KCNIP4: variants seen among roughly 807,000 people sequenced by gnomAD.
The protein encoded by KCNIP4 is potassium voltage-gated channel interacting protein 4.
Under a neutral mutation model 34.0 loss-of-function variants are expected in KCNIP4, and 12 were observed. That is an observed-to-expected ratio of 0.35 (90% CI 0.23 to 0.57). KCNIP4 has a LOEUF of 0.57. KCNIP4 is among the 20% of genes least tolerant of loss of function. The probability of loss-of-function intolerance (pLI) is 0.83; values close to 1 mark genes in which losing one functional copy is unlikely to be tolerated. For synonymous variants in KCNIP4, 124 were observed against 102.2 expected (o/e 1.21, Z -1.29); for missense variants, 238 against 311.7 (o/e 0.76, Z 1.78).
At chr4:21,396,671 G>T (rs188652148) in intron 1 of KCNIP4, among the ~76,000 whole-genome samples, 1 of 151,832 alleles carries the variant, frequency 6.6e-6, no homozygotes, top group Non-Finnish European at 1.5e-5. Flanking sequence ...CCTCTGGGTG[G>T]GCTCAAAGTT....
At chr4:21,697,277 T>C (rs1712421660) in intron 1 of KCNIP4, 18 of 1,369,932 alleles carry the variant, frequency 1.3e-5, no homozygotes, top group Non-Finnish European at 1.7e-5. Context: ...CCTTTCCTAT[T>C]CCATTTCAAC....
At chr4:21,673,241 C>G (rs188870410) in intron 1 of KCNIP4, among the ~76,000 whole-genome samples, 2 of 152,182 alleles carry the variant, frequency 1.3e-5, no homozygotes, top group Admixed American at 1.3e-4. Context: ...AGAAACCAGA[C>G]AGTCGAAATT....
intron 3 of KCNIP4, among the ~76,000 whole-genome samples, chr4:20,841,820 T>TAA (rs1029991138): frequency 8.6e-5 from 13 of 150,944 alleles, no homozygotes; most frequent in African/African-American, 3.1e-4. Flanking sequence ...ATCCTTAGAA[T>TAA]AAAATACAAA....
chr4:21,172,161 G>T (rs1054528758), intron 1 of KCNIP4, among the ~76,000 whole-genome samples: 12 of 152,044 alleles, frequency 7.9e-5, no homozygotes, highest in Admixed American at 7.9e-4. Context: ...CCGAGTAGCT[G>T]GGATTATAGG....
At chr4:21,810,884 G>T (rs966337454) in intron 1 of KCNIP4, among the ~76,000 whole-genome samples, 1 of 152,152 alleles carries the variant, frequency 6.6e-6, no homozygotes, top group Non-Finnish European at 1.5e-5. Flanking sequence ...CAGTCTGAAT[G>T]AGGTAAACAA....
At chr4:20,760,890 TA>T (rs1245579652) in intron 3 of KCNIP4, among the ~76,000 whole-genome samples, 14 of 152,230 alleles carry the variant, frequency 9.2e-5, no homozygotes, top group Admixed American at 1.3e-4. Context: ...TTTATGTGTT[TA>T]ACTTCTCTGG....
intron 1 of KCNIP4, among the ~76,000 whole-genome samples, chr4:21,299,483 G>A (rs373430306): frequency 3.9e-5 from 6 of 152,202 alleles, no homozygotes; most frequent in African/African-American, 1.2e-4. Context: ...TTCATTACTA[G>A]ATGGTGTAAA....
intron 1 of KCNIP4, among the ~76,000 whole-genome samples, chr4:21,076,204 G>A (rs1470258614): frequency 1.3e-5 from 2 of 152,108 alleles, no homozygotes; most frequent in African/African-American, 4.8e-5. Flanking sequence ...GGTTGGGGAA[G>A]TTCTCTCCTG....
At chr4:21,064,645 AG>A (rs1400816760) in intron 1 of KCNIP4, among the ~76,000 whole-genome samples, 19 of 152,154 alleles carry the variant, frequency 1.2e-4, no homozygotes, top group African/African-American at 3.9e-4. Flanking sequence ...CTTATATAGA[AG>A]GGAAATAAAT....
chr4:21,292,248 T>C (rs2109211728), intron 1 of KCNIP4, among the ~76,000 whole-genome samples: 1 of 152,304 alleles, frequency 6.6e-6, no homozygotes, highest in East Asian at 1.9e-4. Context: ...GTCAGTGCCT[T>C]AGCCTCATCA....
chr4:20,829,352 C>T lies in KCNIP4; in HGVS notation c.288+21191G>A, dbSNP rs529836025. On this transcript the variant is annotated intron_variant, in intron 3 of 8. Coordinates refer to ENST00000382152, the MANE Select transcript of KCNIP4 (RefSeq NM_025221.6). ...TCTCCTGAGTAGCTGGGACTATAGG[C>T]GCCTGCCACCATGCCTGGCTAATTT... Among the ~76,000 whole-genome samples the T allele has an allele frequency of 6.1e-4, 93 of 152,138 alleles. 1 individual carries two copies. The highest frequency in any genetic ancestry group is 1.9e-3 in the African/African-American group (80 of 41,524).
chr4:21,600,721 T>C (rs1157319304), intron 1 of KCNIP4, among the ~76,000 whole-genome samples: 1 of 152,102 alleles, frequency 6.6e-6, no homozygotes. Flanking sequence ...CACTTTCGAT[T>C]TCCCCATGGT....
chr4:21,860,249 T>C (rs1724993622), intron 1 of KCNIP4, among the ~76,000 whole-genome samples: 1 of 152,260 alleles, frequency 6.6e-6, no homozygotes, highest in African/African-American at 2.4e-5. Flanking sequence ...TTCTTGTGCC[T>C]CAGCCTCCCA....
rs148036629 is a variant in KCNIP4 at position 21,751,408 on chromosome 4, T to C, written c.61+197163A>G. On this transcript the variant is annotated intron_variant, in intron 1 of 8. Coordinates refer to ENST00000382152, the MANE Select transcript of KCNIP4 (RefSeq NM_025221.6). ...TGTTATGACATGGTGTTTATGTATA[T>C]ACACATTCTTATCATTTGGACATGT... 8.8e-3 allele frequency among the ~76,000 whole-genome samples: 1,336 copies of C among 152,268 alleles called. 19 individuals carry two copies. The highest frequency in any genetic ancestry group is 0.039 in the South Asian group (186 of 4,826).
chr4:21,829,846 A>G (rs917342460), intron 1 of KCNIP4, among the ~76,000 whole-genome samples: 2 of 152,014 alleles, frequency 1.3e-5, no homozygotes, highest in Non-Finnish European at 2.9e-5. Flanking sequence ...TTGAATTGAA[A>G]TGGATTAAAT....
At chr4:21,117,685 G>A (rs75818341) in intron 1 of KCNIP4, among the ~76,000 whole-genome samples, 5 of 152,174 alleles carry the variant, frequency 3.3e-5, no homozygotes, top group East Asian at 3.9e-4. Context: ...GCTGCAGAGC[G>A]CATCAAACTG....
chr4:20,790,697 G>A (rs1712633331), intron 3 of KCNIP4, among the ~76,000 whole-genome samples: 1 of 152,020 alleles, frequency 6.6e-6, no homozygotes, highest in Admixed American at 6.6e-5. Flanking sequence ...ACCTTCTAGG[G>A]AAATAACTTA....
At chr4:21,596,085 A>G (rs2109107106) in intron 1 of KCNIP4, among the ~76,000 whole-genome samples, 1 of 152,192 alleles carries the variant, frequency 6.6e-6, no homozygotes, top group Admixed American at 6.6e-5. Context: ...ATCATGGCCC[A>G]ACTCTCTTAA....
At chr4:21,080,152 C>A (rs1745878000) in intron 1 of KCNIP4, among the ~76,000 whole-genome samples, 1 of 151,910 alleles carries the variant, frequency 6.6e-6, no homozygotes, top group East Asian at 1.9e-4. Flanking sequence ...TCTGACCCAG[C>A]CTGGCCAGAG....
Sources: gnomAD v4.1 joint callset for allele counts (sites outside exome capture counted in the v4.1 genomes callset) on GRCh38, gnomAD v4.1.1 for gene constraint, MANE v1.5 for transcripts, NCBI Gene and HGNC (gene_info 2026-07-23, HGNC 2026-07-21) for gene names.